PLA2G4A: variants seen among roughly 807,000 people sequenced by gnomAD.
PLA2G4A encodes the protein cytosolic phospholipase A2.
A neutral mutation model predicts 81.9 loss-of-function variants in PLA2G4A; 40 were observed. That is an observed-to-expected ratio of 0.49 (90% confidence interval 0.38 to 0.64). PLA2G4A has a LOEUF of 0.64. Ranked by LOEUF, PLA2G4A falls within the 30% of genes least tolerant of loss-of-function variation. The probability of loss-of-function intolerance (pLI) is 0.00; values close to 1 mark genes in which losing one functional copy is unlikely to be tolerated. For synonymous variants in PLA2G4A, 302 were observed against 296.9 expected, an observed-to-expected ratio of 1.02 and a Z score of -0.18; for missense variants, 715 against 905.1, an observed-to-expected ratio of 0.79 and a Z score of 2.69.
At chr1:186,870,382 A>G (rs998846103) in intron 2 of PLA2G4A, 53 bp from the exon 3 acceptor site, 1 of 1,022,238 alleles carries the variant, frequency 9.8e-7, no homozygotes, top group Non-Finnish European at 1.6e-6. Flanking sequence ...CAAGGAAAAA[A>G]TGAGGTTCTA....
At chr1:186,907,552 G>A (rs941585328) in intron 6 of PLA2G4A, among the ~76,000 whole-genome samples, 1 of 152,200 alleles carries the variant, frequency 6.6e-6, no homozygotes, top group African/African-American at 2.4e-5. Flanking sequence ...GAATTTTAGG[G>A]TAGGCAAGTC....
intron 1 of PLA2G4A, among the ~76,000 whole-genome samples, chr1:186,846,563 C>G (rs1652182652): frequency 6.6e-6 from 1 of 152,132 alleles, no homozygotes; most frequent in Non-Finnish European, 1.5e-5. Flanking sequence ...CACCAGGAAA[C>G]TGACATTGGT....
intron 1 of PLA2G4A, among the ~76,000 whole-genome samples, chr1:186,834,765 A>G (rs2101996445): frequency 6.6e-6 from 1 of 152,278 alleles, no homozygotes; most frequent in Admixed American, 6.5e-5. Context: ...GATTTTGCCA[A>G]ATGTTTTGCT....
chr1:186,931,744 G>A (rs1461482001), intron 7 of PLA2G4A, among the ~76,000 whole-genome samples: 1 of 151,958 alleles, frequency 6.6e-6, no homozygotes. Flanking sequence ...GGCCACTCAG[G>A]GATCAGGTGC....
chr1:186,983,609 A>G (rs954106678), intron 17 of PLA2G4A, among the ~76,000 whole-genome samples: 3 of 152,216 alleles, frequency 2.0e-5, no homozygotes, highest in Non-Finnish European at 4.4e-5. Context: ...TTCTCATAGC[A>G]TCAGGTTTCT....
chr1:186,889,307 C>T (rs1654050666), intron 3 of PLA2G4A, among the ~76,000 whole-genome samples: 1 of 152,216 alleles, frequency 6.6e-6, no homozygotes, highest in Admixed American at 6.5e-5. Context: ...ACATCAGTGT[C>T]AGCTAGACTA....
chr1:186,902,707 C>A (rs982141243), intron 5 of PLA2G4A, among the ~76,000 whole-genome samples: 1 of 151,836 alleles, frequency 6.6e-6, no homozygotes, highest in African/African-American at 2.4e-5. Context: ...CACTGAGCAC[C>A]TTGTTACCCC....
At chr1:186,952,811 T>G (rs138947055) in intron 13 of PLA2G4A, among the ~76,000 whole-genome samples, 2,803 of 143,240 alleles carry the variant, frequency 0.02, 57 homozygotes, top group Non-Finnish European at 0.024. Flanking sequence ...AACAATAATG[T>G]AGCCTTTTCA....
rs563353294 is a variant in PLA2G4A, at chr1:186,844,286, C to A, written c.-69-10000C>A. 2.0e-5 allele frequency among the ~76,000 whole-genome samples: 3 copies of A among 152,220 alleles called. No individual in the cohort carries two copies. The East Asian group carries it at 5.8e-4, about 29-fold the overall frequency. On this transcript the variant is annotated intron_variant, in intron 1 of 17. Coordinates refer to ENST00000367466, the MANE Select transcript of PLA2G4A (RefSeq NM_024420.3). ...TTCTTTATTCCTTTGTGCCGGTTGGCAATATCAAACTCTTTGTATAGCCTT... is the reference window on the plus strand; with the variant it reads ...TTCTTTATTCCTTTGTGCCGGTTGGAAATATCAAACTCTTTGTATAGCCTT...
chr1:186,906,252 T>C (rs890553771), intron 5 of PLA2G4A, among the ~76,000 whole-genome samples: 1 of 152,236 alleles, frequency 6.6e-6, no homozygotes. Context: ...GTACAACAGA[T>C]TTACAGTCTC....
intron 3 of PLA2G4A, among the ~76,000 whole-genome samples, chr1:186,872,692 T>C (rs955514008): frequency 6.6e-6 from 1 of 152,092 alleles, no homozygotes; most frequent in African/African-American, 2.4e-5. Context: ...AATGGTTATT[T>C]ATTATAATTA....
intron 2 of PLA2G4A, among the ~76,000 whole-genome samples, chr1:186,863,179 T>C (rs1652879077): frequency 6.6e-6 from 1 of 152,190 alleles, no homozygotes; most frequent in South Asian, 2.1e-4. Context: ...AAGCGATCCT[T>C]CTGTCTGAGC....
intron 1 of PLA2G4A, among the ~76,000 whole-genome samples, chr1:186,837,308 T>A (rs1378957024): frequency 1.3e-5 from 2 of 151,936 alleles, no homozygotes; most frequent in African/African-American, 2.4e-5. Flanking sequence ...GGATACAGGG[T>A]AAGCAAATAA....
At chr1:186,913,717 A>G (rs550106441) in intron 7 of PLA2G4A, among the ~76,000 whole-genome samples, 95 of 152,332 alleles carry the variant, frequency 6.2e-4, no homozygotes, top group African/African-American at 2.2e-3. Context: ...AATTAATTTC[A>G]TTAAGTTTTT....
At position 186,963,499 on chromosome 1, in the gene PLA2G4A, T is replaced by C. The variant is rs1456030687; in HGVS notation, c.1580-1910T>C. On this transcript the variant is annotated intron_variant, in intron 14 of 17. Coordinates refer to ENST00000367466, the MANE Select transcript of PLA2G4A (RefSeq NM_024420.3). ...TCCTTATTGCCCTATAAGTTAGCCT[T>C]GGACACAGCCAGCCTTTATTATTTA... 1.3e-5 allele frequency among the ~76,000 whole-genome samples: 2 copies of C among 152,356 alleles called. 1 individual carries two copies. Among genetic ancestry groups the C allele is most frequent in the South Asian group, 4.1e-4 (2 of 4,834 alleles).
intron 15 of PLA2G4A, among the ~76,000 whole-genome samples, chr1:186,971,730 A>C (rs963436248): frequency 6.6e-6 from 1 of 152,008 alleles, no homozygotes; most frequent in Admixed American, 6.6e-5. Context: ...AAATTGATAA[A>C]AATATTATAC....
chr1:186,974,214 A>G (rs183835915), intron 15 of PLA2G4A, among the ~76,000 whole-genome samples: 53 of 152,096 alleles, frequency 3.5e-4, no homozygotes, highest in African/African-American at 1.3e-3. Context: ...TTTATTTACA[A>G]TATTCATTTC....
intron 12 of PLA2G4A, 73 bp from the exon 13 acceptor site, chr1:186,950,584 A>C: frequency 1.3e-6 from 1 of 799,658 alleles, no homozygotes; most frequent in Non-Finnish European, 2.2e-6. Flanking sequence ...TGCTCAGATT[A>C]CTTTTTTATA....
chr1:186,970,547 A>G (rs1180004976), intron 15 of PLA2G4A, among the ~76,000 whole-genome samples: 1 of 151,976 alleles, frequency 6.6e-6, no homozygotes, highest in Admixed American at 6.6e-5. Flanking sequence ...TAGGACTTAG[A>G]TGTTACTCTT....
Sources: gnomAD v4.1 joint callset for allele counts (sites outside exome capture counted in the v4.1 genomes callset) on GRCh38, gnomAD v4.1.1 for gene constraint, MANE v1.5 for transcripts, NCBI Gene and HGNC (gene_info 2026-07-23, HGNC 2026-07-21) for gene names.